Variants in CCDC183 observed in about 807,000 individuals in gnomAD.
CCDC183 encodes coiled-coil domain containing 183.
Under a neutral mutation model 65.2 loss-of-function variants are expected in CCDC183, and 63 were observed. The ratio of observed to expected loss-of-function variants is 0.97; its 90% CI spans 0.79 to 1.19. CCDC183 has a LOEUF of 1.19. Ranked by LOEUF, CCDC183 falls within the 50% of genes most tolerant of loss-of-function variation. CCDC183 has a pLI of 0.00. For synonymous variants in CCDC183, 323 were observed against 276.5 expected (o/e 1.17, Z -1.67); for missense variants, 769 against 689.3 (o/e 1.12, Z -1.30).
intron 6 of CCDC183, among the ~76,000 whole-genome samples, chr9:136,803,589 TCA>T (rs1847787140): frequency 6.6e-6 from 1 of 152,182 alleles, no homozygotes; most frequent in Non-Finnish European, 1.5e-5. Context: ...TGGGTGGCAC[TCA>T]TCCAGTAGTC....
Position 136,806,073 on chromosome 9 carries a change from G to T in CCDC183, c.949-5G>T. 1 of 1,549,002 alleles carries T rather than the reference G, an allele frequency of 6.5e-7. No homozygotes were observed. Among genetic ancestry groups the T allele is most frequent in the Non-Finnish European group, 8.7e-7 (1 of 1,146,760 alleles). On this transcript the variant is annotated splice_region_variant and splice_polypyrimidine_tract_variant and intron_variant, in intron 9 of 13. Coordinates refer to ENST00000338005, the MANE Select transcript of CCDC183 (RefSeq NM_001039374.5). The stretch of plus-strand genomic sequence containing the variant: ...ACCTGCTTCTCTCTCCCCCGGACTG[G>T]CCAGGACATCACTAGCCGCTTCCTG...
In CCDC183 at chr9:136,806,953, G is replaced by A. The variant is rs745721414; in HGVS notation, c.1390-17G>A. The A allele has an allele frequency of 1.2e-6, 2 of 1,613,598 alleles. No individual in the cohort carries two copies. Among genetic ancestry groups the A allele is most frequent in the Middle Eastern group, 1.6e-4 (1 of 6,062 alleles). On this transcript the variant is annotated splice_polypyrimidine_tract_variant and intron_variant, in intron 12 of 13. Coordinates refer to ENST00000338005, the MANE Select transcript of CCDC183 (RefSeq NM_001039374.5). ...GTTCAGAGTGTCTGCACGGCTGAAG[G>A]GGGCTTTGCCCTGCAGGGCGACACA...
chr9:136,798,008 T>C (rs1260360715), intron 1 of CCDC183, among the ~76,000 whole-genome samples: 1 of 151,848 alleles, frequency 6.6e-6, no homozygotes, highest in Non-Finnish European at 1.5e-5. Context: ...TGTATTTTTA[T>C]TTATTTATTT....
At chr9:136,799,651 AG>A in intron 2 of CCDC183, 61 bp from the exon 3 acceptor site, 1 of 1,432,934 alleles carries the variant, frequency 7.0e-7, no homozygotes, top group South Asian at 1.2e-5. Flanking sequence ...GAATGCCTGG[AG>A]GAGCCAGCGG....
At chr9:136,803,731 G>A (rs1301053112) in intron 6 of CCDC183, among the ~76,000 whole-genome samples, 1 of 152,304 alleles carries the variant, frequency 6.6e-6, no homozygotes. Context: ...TGTGGCCAGG[G>A]CTAGGGAGGA....
chr9:136,804,367 G>C lies in CCDC183; in HGVS notation c.667-135G>C. The C allele has an allele frequency of 4.9e-6, 6 of 1,231,758 alleles. No homozygotes were observed. Among genetic ancestry groups the C allele is most frequent in the East Asian group, 2.6e-5 (1 of 38,686 alleles). The allele number at this position is 1,231,758 out of a possible 1,614,324, so 76.3% of individuals were successfully genotyped here. On this transcript the variant is annotated intron_variant, in intron 6 of 13. Transcript: ENST00000338005. This position sits in a 1 kb window ranked among gnomAD's most constrained non-coding sequence, Gnocchi z 4.1. ...CACGGGCACAAGTGGTTTAGGAAAA[G>C]GGTGTGGCCATTGGCCGGGGATGCA...
chr9:136,805,560 G>A lies in CCDC183; in HGVS notation c.948+103G>A, dbSNP rs1215778655. On this transcript the variant is annotated intron_variant, in intron 9 of 13. Transcript: ENST00000338005. ...CCCGGAGCATGGCAGGAGGGTGGCT[G>A]AGCTGGGCTGGGGTCTGAGGCACTC... The A allele has an allele frequency of 2.8e-6, 3 of 1,086,082 alleles. No homozygotes were observed. In the East Asian group the frequency reaches 7.5e-5, roughly 27 times the overall value. 67.3% of individuals were successfully genotyped at this position (1,086,082 alleles called of 1,614,324 possible).
intron 5 of CCDC183, among the ~76,000 whole-genome samples, chr9:136,802,377 C>T (rs1847749191): frequency 1.3e-5 from 2 of 152,232 alleles, no homozygotes; most frequent in Non-Finnish European, 2.9e-5. Flanking sequence ...TGTCCCCAAA[C>T]CTCCCCGGGT....
At position 136,796,448 on chromosome 9, in the gene CCDC183, G is replaced by C. The variant is rs1847650588; in HGVS notation, c.51G>C (p.Lys17Asn). 1.3e-6 allele frequency: 2 copies of C among 1,573,328 alleles called. No homozygotes were observed. Residue 17 changes from lysine (K) to asparagine (N), a missense_variant, in exon 1 of 14, where the codon AAG becomes AAC. Transcript: ENST00000338005. ...TDVEEQTQEL[K>N]TITQLQEQCR... ...TGGAAGAGCAGACCCAGGAGCTGAA[G>C]ACCATCACTCAGCTCCAGGGTGAGC...
chr9:136,799,379 G>T, intron 2 of CCDC183, 156 bp downstream of exon 2: 1 of 1,229,396 alleles, frequency 8.1e-7, no homozygotes, highest in Non-Finnish European at 1.1e-6. Context: ...CTGTGCCCTG[G>T]GCTCCAGTCA....
chr9:136,800,303 C>T lies in CCDC183; in HGVS notation c.439-86C>T, dbSNP rs530629071. On this transcript the variant is annotated intron_variant, in intron 4 of 13. Coordinates refer to ENST00000338005, the MANE Select transcript of CCDC183 (RefSeq NM_001039374.5). ...CGGGAGGGGCGGGGCTAAGAGAGCA[C>T]GACCCTCTCCGGAGAAAACCCAGCC... 7.3e-3 allele frequency: 10,624 copies of T among 1,461,780 alleles called. 54 individuals are homozygous for T. The highest frequency in any genetic ancestry group is 8.9e-3 in the Non-Finnish European group (9,617 of 1,078,528). 90.6% of individuals were successfully genotyped at this position (1,461,780 alleles called of 1,614,324 possible). A position where few individuals can be genotyped will look rare whatever the true frequency, so the allele number is the denominator to read the frequency against.
intron 9 of CCDC183, 74 bp downstream of exon 9, chr9:136,805,531 C>A: frequency 7.4e-7 from 1 of 1,343,020 alleles, no homozygotes; most frequent in Non-Finnish European, 1.1e-6. Context: ...TGCTCCCTGG[C>A]ACTCCCGGAG....
intron 9 of CCDC183, 48 bp from the exon 10 acceptor site, chr9:136,806,030 C>T (rs1394925770): frequency 1.3e-6 from 2 of 1,498,576 alleles, no homozygotes; most frequent in East Asian, 2.5e-5. Flanking sequence ...GCCCCCTCTG[C>T]CCACCATCCT....
chr9:136,798,301 C>G (rs1847683934), intron 1 of CCDC183, among the ~76,000 whole-genome samples: 1 of 131,392 alleles, frequency 7.6e-6, no homozygotes, highest in Non-Finnish European at 1.6e-5. Context: ...CCACCGGCGC[C>G]TAGCTTATTT....
rs750565203 is a variant in CCDC183, at chr9:136,804,599, CGAA to C, written c.766_768del (p.Lys256del). On this transcript the variant is annotated inframe_deletion, in exon 7 of 14. Transcript: ENST00000338005. The surrounding 1 kb of genome is among the most constrained non-coding windows in gnomAD (Gnocchi z 4.1). ...AAGAAGCTGATCGACAAGATCCACA[CGAA>C]GGAGACCAGCGAGAAGTACCGCCGG... 5 of 1,613,708 alleles carry C rather than the reference CGAA, an allele frequency of 3.1e-6. No homozygotes were observed. The highest frequency in any genetic ancestry group is 1.1e-5 in the South Asian group (1 of 91,082).
chr9:136,806,590 G>A lies in CCDC183; in HGVS notation c.1196G>A (p.Gly399Asp), dbSNP rs769373608. Residue 399 changes from glycine to aspartate, a missense_variant, in exon 11 of 14, where the codon GGC becomes GAC. Physicochemically the swap from Gly to Asp is moderately conservative, Grantham distance 94. Coordinates refer to ENST00000338005, the MANE Select transcript of CCDC183 (RefSeq NM_001039374.5). The part of the protein sequence containing the change: ...LQLAHSNMTK[G>D]QELLLTIQMG... ...CTGGCGCACAGCAACATGACCAAGG[G>A]CCAGGAGCTGCTGCTGACCATCCAG... The A allele has an allele frequency of 2.5e-6, 4 of 1,613,744 alleles. No homozygotes were observed. The East Asian group carries it at 8.9e-5, about 36-fold the overall frequency.
chr9:136,796,500 T>G, intron 1 of CCDC183, 33 bp downstream of exon 1: 1 of 1,507,750 alleles, frequency 6.6e-7, no homozygotes, highest in Non-Finnish European at 9.0e-7. Flanking sequence ...AGTCTCCCTT[T>G]CCCGTCTGGG....
chr9:136,803,212 GC>G (rs1847773142), intron 6 of CCDC183, among the ~76,000 whole-genome samples: 1 of 46,986 alleles, frequency 2.1e-5, no homozygotes, highest in Non-Finnish European at 4.9e-5. Context: ...AGGGCCCAGG[GC>G]TGGGGGCCCC....
chr9:136,799,933 C>T (rs1168067285), intron 3 of CCDC183, 69 bp from the exon 4 acceptor site: 12 of 1,537,902 alleles, frequency 7.8e-6, no homozygotes, highest in Middle Eastern at 1.9e-4. Context: ...CTCCACCCGC[C>T]CGCCTGCTGG....
Sources: allele counts gnomAD v4.1 joint callset (sites outside exome capture counted in the v4.1 genomes callset), GRCh38; gene constraint gnomAD v4.1.1; non-coding constraint Gnocchi (gnomAD v3.1); transcripts MANE v1.5; gene names NCBI Gene and HGNC (gene_info 2026-07-23, HGNC 2026-07-21).